Variants in TNNI3K observed in about 807,000 individuals in gnomAD.
The protein encoded by TNNI3K is serine/threonine-protein kinase TNNI3K.
In TNNI3K, 140 loss-of-function variants were observed where a neutral mutation model predicts 114.5. That is an observed-to-expected ratio of 1.22 (90% CI 1.07 to 1.41). TNNI3K has a LOEUF of 1.41. TNNI3K is among the 40% of genes most tolerant of loss of function. The pLI, the probability that TNNI3K is intolerant of heterozygous loss-of-function variation, is 0.00. For missense variants in TNNI3K, 1,125 were observed against 1,007.6 expected, an observed-to-expected ratio of 1.12 and a Z score of -1.58; for synonymous variants, 347 against 347.5, an observed-to-expected ratio of 1.00 and a Z score of 0.02.
chr1:74,481,602 C>A (rs1668507647), intron 21 of TNNI3K, among the ~76,000 whole-genome samples: 1 of 152,152 alleles, frequency 6.6e-6, no homozygotes, highest in African/African-American at 2.4e-5. Flanking sequence ...GCCATCTTGG[C>A]CTCCTGTCTA....
chr1:74,400,755 G>A (rs956118333), intron 17 of TNNI3K, among the ~76,000 whole-genome samples: 2 of 152,120 alleles, frequency 1.3e-5, no homozygotes, highest in Admixed American at 1.3e-4. Flanking sequence ...AAACATTACT[G>A]GTGAGTCAAA....
intron 21 of TNNI3K, chr1:74,469,279 A>T (rs1667802569): frequency 1.3e-5 from 2 of 152,610 alleles, no homozygotes; most frequent in Non-Finnish European, 2.9e-5. Context: ...CTCTTAGAGA[A>T]ATAACAAGTT....
intron 17 of TNNI3K, among the ~76,000 whole-genome samples, chr1:74,413,431 G>T (rs76546310): frequency 0.012 from 1,841 of 152,214 alleles, 41 homozygotes; most frequent in African/African-American, 0.042. Context: ...TATTGTTTCT[G>T]AAATAGTGGT....
At chr1:74,351,606 A>G (rs1025680243) in intron 9 of TNNI3K, among the ~76,000 whole-genome samples, 4 of 152,192 alleles carry the variant, frequency 2.6e-5, no homozygotes, top group East Asian at 1.9e-4. Context: ...AGGTACACCA[A>G]TGAGACGTAG....
chr1:74,492,610 A>G (rs1669137374), intron 23 of TNNI3K, among the ~76,000 whole-genome samples: 1 of 152,184 alleles, frequency 6.6e-6, no homozygotes, highest in Non-Finnish European at 1.5e-5. Context: ...TGAGGATCTG[A>G]GCAACAGAAG....
rs191029176 is a variant in TNNI3K at position 74,296,747 on chromosome 1, T to C, written c.444+25039T>C. 1.2e-3 allele frequency among the ~76,000 whole-genome samples: 179 copies of C among 152,336 alleles called. 2 individuals carry two copies. The highest frequency in any genetic ancestry group is 4.1e-3 in the African/African-American group (169 of 41,574). On this transcript the variant is annotated intron_variant, in intron 5 of 24. Coordinates refer to ENST00000326637, the MANE Select transcript of TNNI3K (RefSeq NM_015978.3). Reference sequence around the variant, plus strand: ...TTGGTCTTGCTTGGTTTTGTTTTCATACTTTAAAGACACAATTCCATTATT... The same window carrying C: ...TTGGTCTTGCTTGGTTTTGTTTTCACACTTTAAAGACACAATTCCATTATT...
chr1:74,420,230 T>C (rs1203750784), intron 17 of TNNI3K, among the ~76,000 whole-genome samples: 1 of 152,182 alleles, frequency 6.6e-6, no homozygotes, highest in African/African-American at 2.4e-5. Flanking sequence ...GGAGTAAAAC[T>C]GCAAATAAAT....
chr1:74,495,571 G>A (rs1219118792), intron 23 of TNNI3K, among the ~76,000 whole-genome samples: 1 of 151,918 alleles, frequency 6.6e-6, no homozygotes, highest in Non-Finnish European at 1.5e-5. Flanking sequence ...AACATCCTGG[G>A]CACTATTTTA....
intron 24 of TNNI3K, 152 bp downstream of exon 24, chr1:74,540,465 C>T (rs1174396176): frequency 4.1e-6 from 3 of 732,236 alleles, no homozygotes; most frequent in Non-Finnish European, 6.5e-6. Context: ...TTTTATATGT[C>T]TTTTATAACT....
intron 23 of TNNI3K, among the ~76,000 whole-genome samples, chr1:74,536,843 G>A (rs900584438): frequency 2.0e-5 from 3 of 152,056 alleles, no homozygotes; most frequent in African/African-American, 7.2e-5. Flanking sequence ...AATTCCTGAG[G>A]CAGCTGCATC....
chr1:74,256,283 CTTTTTTTTTTTTT>C lies in TNNI3K; in HGVS notation c.333+5535_333+5547del, dbSNP rs61636791. Among the ~76,000 whole-genome samples, 76 of 42,808 alleles carry C rather than the reference CTTTTTTTTTTTTT, an allele frequency of 1.8e-3. 1 individual carries two copies. Among genetic ancestry groups the C allele is most frequent in the Admixed American group, 4.0e-3 (12 of 3,024 alleles). 28.1% of individuals were successfully genotyped at this position (42,808 alleles called of 152,430 possible). On this transcript the variant is annotated intron_variant, in intron 4 of 24. Transcript: ENST00000326637. ...CTTTCCGGCACTTGGTGTGGTCAGT[CTTTTTTTTTTTTT>C]TTTTTTTTTTTTTTTTTTTTGGCTA...
intron 18 of TNNI3K, 125 bp from the exon 19 acceptor site, chr1:74,436,349 A>G (rs1430080774): frequency 3.2e-6 from 4 of 1,244,952 alleles, no homozygotes; most frequent in East Asian, 2.6e-5. Context: ...ATCTCCAGCC[A>G]AGAGAAGGGA....
intron 5 of TNNI3K, among the ~76,000 whole-genome samples, chr1:74,327,538 G>A (rs1570470226): frequency 6.9e-6 from 1 of 145,190 alleles, no homozygotes; most frequent in East Asian, 2.0e-4. Context: ...TATATATTGA[G>A]TATATATAAT....
At chr1:74,307,422 A>G (rs1658710489) in intron 5 of TNNI3K, among the ~76,000 whole-genome samples, 1 of 152,178 alleles carries the variant, frequency 6.6e-6, no homozygotes, top group Non-Finnish European at 1.5e-5. Flanking sequence ...CTTAGGCTCA[A>G]AGTAACAGGA....
At chr1:74,319,901 A>T (rs1203760124) in intron 5 of TNNI3K, among the ~76,000 whole-genome samples, 1 of 152,198 alleles carries the variant, frequency 6.6e-6, no homozygotes, top group Non-Finnish European at 1.5e-5. Context: ...TCCAAGAGCA[A>T]TGGTTTTTGA....
At chr1:74,257,661 C>CCTTTTTTTTTTTTTTTTTT (rs763279460) in intron 4 of TNNI3K, among the ~76,000 whole-genome samples, 2 of 78,590 alleles carry the variant, frequency 2.5e-5, no homozygotes, top group African/African-American at 3.6e-5. Context: ...CTTGGCTTAC[C>CCTTTTTTTTTTTTTTTTTT]TCTTTTTTTT....
intron 20 of TNNI3K, among the ~76,000 whole-genome samples, chr1:74,440,082 T>A (rs1201755738): frequency 6.6e-6 from 1 of 152,058 alleles, no homozygotes; most frequent in Non-Finnish European, 1.5e-5. Flanking sequence ...TTCCTAACGT[T>A]TTTGTATTAT....
intron 23 of TNNI3K, among the ~76,000 whole-genome samples, chr1:74,518,873 C>CTTTTT (rs1646388103): frequency 3.0e-4 from 30 of 100,344 alleles, no homozygotes; most frequent in Non-Finnish European, 4.3e-4. Context: ...TTTTTTTTCC[C>CTTTTT]CTTTTTTTTT....
rs578176836 is a variant in TNNI3K at position 74,538,500 on chromosome 1, T to C, written c.2352-1734T>C. Among the ~76,000 whole-genome samples, 29 of 152,170 alleles carry C rather than the reference T, an allele frequency of 1.9e-4. No individual in the cohort carries two copies. In the East Asian group the frequency reaches 3.9e-3, roughly 20 times the overall value. On this transcript the variant is annotated intron_variant, in intron 23 of 24. Transcript: ENST00000326637. Reference sequence around the variant, plus strand: ...CAAGAGAAACAATTCCCCACCCTCATTGTGTGGAAAGAATATGGAGGGTGT... The same window carrying C: ...CAAGAGAAACAATTCCCCACCCTCACTGTGTGGAAAGAATATGGAGGGTGT...
Sources: allele counts gnomAD v4.1 joint callset (sites outside exome capture counted in the v4.1 genomes callset), GRCh38; gene constraint gnomAD v4.1.1; transcripts MANE v1.5; gene names NCBI Gene and HGNC (gene_info 2026-07-23, HGNC 2026-07-21).